MB21D2: variants seen among roughly 807,000 people sequenced by gnomAD.
MB21D2 encodes nucleotidyltransferase MB21D2.
MB21D2 carries 9 observed loss-of-function variants against 33.3 expected under a neutral mutation model. The ratio of observed to expected loss-of-function variants is 0.27; its 90% CI spans 0.16 to 0.47. The LOEUF (loss-of-function observed/expected upper bound fraction) is 0.47. Ranked by LOEUF, MB21D2 falls within the 20% of genes least tolerant of loss-of-function variation. The pLI is 0.99. For missense variants in MB21D2, 540 were observed against 624.6 expected, an observed-to-expected ratio of 0.86 and a Z score of 1.44; for synonymous variants, 241 against 236.3, an observed-to-expected ratio of 1.02 and a Z score of -0.18.
At chr3:192,836,039 T>C (rs975996631) in intron 1 of MB21D2, among the ~76,000 whole-genome samples, 49 of 152,116 alleles carry the variant, frequency 3.2e-4, no homozygotes, top group African/African-American at 1.2e-3. Flanking sequence ...TCAGAGAGTA[T>C]GGTTATATGC....
At chr3:192,878,103 G>GTTTTTTTTTTTTTTTTTTTTTTTTT (rs1296544101) in intron 1 of MB21D2, among the ~76,000 whole-genome samples, 6 of 134,222 alleles carry the variant, frequency 4.5e-5, no homozygotes, top group Admixed American at 7.9e-5. Context: ...TTTTTTTTTG[G>GTTTTTTTTTTTTTTTTTTTTTTTTT]TTTTTTTTGT....
At chr3:192,828,295 G>A (rs1712221518) in intron 1 of MB21D2, among the ~76,000 whole-genome samples, 1 of 151,770 alleles carries the variant, frequency 6.6e-6, no homozygotes, top group Non-Finnish European at 1.5e-5. Context: ...GCAGCACAGT[G>A]AAGTGTGGGT....
chr3:192,881,792 A>C (rs1430652088), intron 1 of MB21D2, among the ~76,000 whole-genome samples: 2 of 152,162 alleles, frequency 1.3e-5, no homozygotes, highest in African/African-American at 2.4e-5. Context: ...AAATTGTATC[A>C]CTAGGGAGCT....
intron 1 of MB21D2, among the ~76,000 whole-genome samples, chr3:192,905,295 GC>G (rs1348349723): frequency 1.3e-5 from 2 of 152,034 alleles, no homozygotes; most frequent in African/African-American, 4.8e-5. Flanking sequence ...TTAAATTATT[GC>G]CAGCTTGGGC....
At chr3:192,848,612 A>T (rs908888871) in intron 1 of MB21D2, among the ~76,000 whole-genome samples, 2 of 152,384 alleles carry the variant, frequency 1.3e-5, no homozygotes, top group Non-Finnish European at 2.9e-5. Context: ...ACTACTGGTC[A>T]TATTTCTAAC....
In MB21D2 at chr3:192,916,626, C is replaced by G. The variant is rs1486276298; in HGVS notation, c.211+1004G>C. Among the ~76,000 whole-genome samples the G allele has an allele frequency of 3.9e-5, 6 of 152,248 alleles. No individual in the cohort carries two copies. In the East Asian group the frequency reaches 1.2e-3, roughly 29 times the overall value. ...GATCCGCTGGCGGAGCCGCAAGTTACAACCCAGGCGCCTGGCAAACTCACA... is the reference window on the plus strand; with the variant it reads ...GATCCGCTGGCGGAGCCGCAAGTTAGAACCCAGGCGCCTGGCAAACTCACA... On this transcript the variant is annotated intron_variant, in intron 1 of 1. Transcript: ENST00000392452.
Position 192,799,672 on chromosome 3 carries a change from A to G in MB21D2, c.212-22T>C, listed in dbSNP as rs1553854337. ...ATTCCTGGAAATAAAGAAGAAAAAA[A>G]CAACACTATTACAGGAAACACAGAC... On this transcript the variant is annotated intron_variant, in intron 1 of 1. Coordinates refer to ENST00000392452, the MANE Select transcript of MB21D2 (RefSeq NM_178496.4). The surrounding 1 kb of genome is among the most constrained non-coding windows in gnomAD (Gnocchi z 4.1). The G allele has an allele frequency of 1.9e-6, 3 of 1,601,952 alleles. No individual in the cohort carries two copies. Among genetic ancestry groups the G allele is most frequent in the Non-Finnish European group, 2.6e-6 (3 of 1,175,216 alleles).
rs369662023 is a variant in MB21D2, at chr3:192,799,307, A to G, written c.555T>C (p.Ala185=). 1.2e-6 allele frequency: 2 copies of G among 1,614,262 alleles called. No homozygotes were observed. The highest frequency in any genetic ancestry group is 1.3e-5 in the African/African-American group (1 of 75,070). ...TGCTGATAGAGTCATAGAACCAGTC[A>G]GCCACTTTGGTAGGTGAGAAGAAGT... ...TNYFFSPTKV[A]DWFYDSISIV... The change falls in exon 2 of 2, where the codon GCT becomes GCC. Residue 185 remains alanine (A), a synonymous_variant. Transcript: ENST00000392452. The surrounding 1 kb of genome is among the most constrained non-coding windows in gnomAD (Gnocchi z 4.1).
At chr3:192,908,586 C>G (rs1361211866) in intron 1 of MB21D2, among the ~76,000 whole-genome samples, 1 of 151,426 alleles carries the variant, frequency 6.6e-6, no homozygotes, top group African/African-American at 2.4e-5. Context: ...GCTAATGTTT[C>G]GTATTTTTTT....
intron 1 of MB21D2, among the ~76,000 whole-genome samples, chr3:192,832,611 G>A (rs1407786223): frequency 6.6e-6 from 1 of 152,208 alleles, no homozygotes; most frequent in Non-Finnish European, 1.5e-5. Flanking sequence ...CCAACATGGT[G>A]AAACCCCATC....
intron 1 of MB21D2, among the ~76,000 whole-genome samples, chr3:192,822,396 G>A (rs1712078835): frequency 6.6e-6 from 1 of 152,172 alleles, no homozygotes; most frequent in Admixed American, 6.5e-5. Flanking sequence ...CAGGCATGGA[G>A]GCAGAGACTT....
chr3:192,825,561 C>T (rs1337564467), intron 1 of MB21D2, among the ~76,000 whole-genome samples: 1 of 152,194 alleles, frequency 6.6e-6, no homozygotes, highest in Non-Finnish European at 1.5e-5. Context: ...CCAGCCCACA[C>T]AATCTGCAAG....
chr3:192,872,436 C>T (rs1262328216), intron 1 of MB21D2, among the ~76,000 whole-genome samples: 8 of 151,776 alleles, frequency 5.3e-5, no homozygotes, highest in Non-Finnish European at 8.8e-5. Context: ...ATTAGCCGCA[C>T]GTGGTGGCGA....
rs926784700 is a variant in MB21D2, at chr3:192,799,453, C to T, written c.409G>A (p.Asp137Asn). The stretch of plus-strand genomic sequence containing the variant: ...TGGCACAAGGCTGAGTGGCGCATGT[C>T]GAGTGTCACAGGCTGATTACGGTCA... ...LHDRNQPVTLDMRHSALCHSW... is the reference protein window; with the variant it reads ...LHDRNQPVTLNMRHSALCHSW... Residue 137 changes from aspartate to asparagine, a missense_variant, in exon 2 of 2, where the codon GAC (aspartate) becomes AAC (asparagine). Asp to Asn is a conservative substitution (Grantham distance 23). Transcript: ENST00000392452. The surrounding 1 kb of genome is among the most constrained non-coding windows in gnomAD (Gnocchi z 4.1). The T allele has an allele frequency of 1.9e-6, 3 of 1,614,182 alleles. No individual in the cohort carries two copies. Among genetic ancestry groups the T allele is most frequent in the Non-Finnish European group, 2.5e-6 (3 of 1,180,030 alleles).
At chr3:192,901,392 A>T (rs1433705656) in intron 1 of MB21D2, among the ~76,000 whole-genome samples, 1 of 105,538 alleles carries the variant, frequency 9.5e-6, no homozygotes, top group African/African-American at 3.6e-5. Flanking sequence ...ACAAGGTGAA[A>T]CCCCGTCTCT....
chr3:192,802,142 G>A (rs1302780834), intron 1 of MB21D2, among the ~76,000 whole-genome samples: 1 of 152,194 alleles, frequency 6.6e-6, no homozygotes, highest in Admixed American at 6.5e-5. Flanking sequence ...AGCCAGGTCA[G>A]GTCCTGTGGC....
At chr3:192,887,828 T>C (rs976722079) in intron 1 of MB21D2, among the ~76,000 whole-genome samples, 2 of 152,076 alleles carry the variant, frequency 1.3e-5, no homozygotes, top group African/African-American at 4.8e-5. Context: ...CTTCTCAAAC[T>C]TGAATGTGCA....
intron 1 of MB21D2, among the ~76,000 whole-genome samples, chr3:192,900,141 A>G (rs13073466): frequency 0.51 from 77,317 of 150,966 alleles, 19,860 homozygotes; most frequent in South Asian, 0.53. Flanking sequence ...AAAATTAGCC[A>G]GGCGTCGTGG....
rs553646168 is a variant in MB21D2 at position 192,880,284 on chromosome 3, T to G, written c.211+37346A>C. Among the ~76,000 whole-genome samples, 4 of 151,764 alleles carry G rather than the reference T, an allele frequency of 2.6e-5. No homozygotes were observed. In the South Asian group the frequency reaches 8.3e-4, roughly 32 times the overall value. ...ATCGCTTGAACCCAGGAGACGGAGG[T>G]TGCAGTGAGCCGAGATTGCACCACC... is the stretch of plus-strand genomic sequence containing the variant. On this transcript the variant is annotated intron_variant, in intron 1 of 1. Transcript: ENST00000392452.
Sources: allele counts gnomAD v4.1 joint callset (sites outside exome capture counted in the v4.1 genomes callset), GRCh38; gene constraint gnomAD v4.1.1; non-coding constraint Gnocchi (gnomAD v3.1); transcripts MANE v1.5; gene names NCBI Gene and HGNC (gene_info 2026-07-23, HGNC 2026-07-21).